PPP2R3B: variants seen among roughly 807,000 people sequenced by gnomAD.
PPP2R3B encodes protein phosphatase 2 regulatory subunit B''beta.
PPP2R3B carries 68 observed loss-of-function variants against 72.9 expected under a neutral mutation model. The observed-to-expected ratio is 0.93, with a 90% CI of 0.77 to 1.14. PPP2R3B has a LOEUF of 1.14. Among genes scored for constraint, PPP2R3B ranks in the 50% most tolerant of loss-of-function variants. The pLI is 0.00. For synonymous variants in PPP2R3B, 466 were observed against 375.8 expected (o/e 1.24, Z -2.78); for missense variants, 1,018 against 842.0 (o/e 1.21, Z -2.59).
chrX:378,945 G>A (rs961886242), intron 1 of PPP2R3B, among the ~76,000 whole-genome samples: 4 of 152,228 alleles, frequency 2.6e-5, no homozygotes, highest in African/African-American at 9.6e-5. Context: ...TGCCCTGAGG[G>A]TTCTAGGTGC....
intron 1 of PPP2R3B, among the ~76,000 whole-genome samples, chrX:379,653 G>A (rs1434805308): frequency 6.6e-6 from 1 of 152,250 alleles, no homozygotes; most frequent in Non-Finnish European, 1.5e-5. Flanking sequence ...CTTAATCAAG[G>A]AGGTGCAAGA....
rs374153614 is a variant in PPP2R3B, at chrX:338,681, C to G, written c.1500G>C (p.Ser500=). 4 of 1,611,624 alleles carry G rather than the reference C, an allele frequency of 2.5e-6. No individual in the cohort carries two copies. The South Asian group carries it at 4.4e-5, about 18-fold the overall frequency. ...RDGDSGGPEL[S]DWEKYAAEEY... ...CCTCGGCCGCGTACTTCTCCCAGTC[C>G]GAGAGCTCGGGGCCGCCGCTGTCAC... Residue 500 remains serine, a synonymous_variant, in exon 12 of 13, where the codon TCG becomes TCC. Transcript: ENST00000390665.
chrX:341,215 C>G, intron 9 of PPP2R3B, 92 bp downstream of exon 9: 1 of 1,401,764 alleles, frequency 7.1e-7, no homozygotes. Flanking sequence ...CAGCCCCCAC[C>G]AGGCGTGCAG....
chrX:334,364 G>C lies in PPP2R3B; in HGVS notation c.*3C>G, dbSNP rs1350479470. Reference sequence around the variant, plus strand: ...CCCCGCGGCGGCGTTCTCGCGGGCGGCGTCACAGCGGCTCCAGGTCCTCGT... The same window carrying C: ...CCCCGCGGCGGCGTTCTCGCGGGCGCCGTCACAGCGGCTCCAGGTCCTCGT... On this transcript the variant is annotated 3_prime_UTR_variant, in exon 13 of 13. Transcript: ENST00000390665. 2 of 1,495,280 alleles carry C rather than the reference G, an allele frequency of 1.3e-6. No individual in the cohort carries two copies. The highest frequency in any genetic ancestry group is 1.8e-6 in the Non-Finnish European group (2 of 1,128,106). 92.6% of individuals were successfully genotyped at this position (1,495,280 alleles called of 1,614,324 possible). A position where few individuals can be genotyped will look rare whatever the true frequency, so the allele number is the denominator to read the frequency against.
At chrX:351,844 C>A (rs1041333929) in intron 2 of PPP2R3B, among the ~76,000 whole-genome samples, 1 of 152,174 alleles carries the variant, frequency 6.6e-6, no homozygotes, top group Non-Finnish European at 1.5e-5. Context: ...ACCACAGGTG[C>A]GCGCTATCAT....
intron 12 of PPP2R3B, chrX:336,370 G>A (rs1025188943): frequency 1.4e-4 from 21 of 152,166 alleles, no homozygotes; most frequent in African/African-American, 3.9e-4. Context: ...GAAAGCCCCC[G>A]CAGACCAGGA....
Position 346,870 on chromosome X carries a change from C to T in PPP2R3B, c.718-95G>A, listed in dbSNP as rs752502158. On this transcript the variant is annotated intron_variant, in intron 4 of 12. Coordinates refer to ENST00000390665, the MANE Select transcript of PPP2R3B (RefSeq NM_013239.5). ...CTGCAGACGCGGACCCTCCCGTGAG[C>T]GATGAGGTGTGCGGTGTAGACGCCG... 6 of 1,158,644 alleles carry T rather than the reference C, an allele frequency of 5.2e-6. No homozygotes were observed. In the Admixed American group the frequency reaches 8.3e-5, roughly 16 times the overall value. 71.8% of individuals were successfully genotyped at this position (1,158,644 alleles called of 1,614,324 possible).
chrX:366,802 G>A (rs2071720953), intron 1 of PPP2R3B, among the ~76,000 whole-genome samples: 1 of 123,178 alleles, frequency 8.1e-6, no homozygotes. Context: ...GGCAGAGGTT[G>A]CAGTGAGCTG....
chrX:347,246 G>C lies in PPP2R3B; in HGVS notation c.705C>G (p.Val235=). The C allele has an allele frequency of 1.2e-6, 2 of 1,613,630 alleles. No individual in the cohort carries two copies. Among genetic ancestry groups the C allele is most frequent in the Non-Finnish European group, 1.7e-6 (2 of 1,179,740 alleles). The change falls in exon 4 of 13, where the codon GTC becomes GTG. Residue 235 remains valine (V), a synonymous_variant. Transcript: ENST00000390665. ...GCNYLVQEDF[V]PFLQDVVNTH... is the part of the protein sequence containing the mutation. ...CGCAGGCTCTCACCTGCAAGAAGGG[G>C]ACAAAGTCCTCCTGCACCAGGTAGT... is the stretch of plus-strand genomic sequence containing the variant.
chrX:334,768 C>T, intron 12 of PPP2R3B: 1 of 436,532 alleles, frequency 2.3e-6, no homozygotes. Context: ...CGGGCGTGAG[C>T]TACACACAGA....
intron 1 of PPP2R3B, among the ~76,000 whole-genome samples, chrX:380,414 A>T (rs2072097224): frequency 6.6e-6 from 1 of 152,184 alleles, no homozygotes; most frequent in African/African-American, 2.4e-5. Flanking sequence ...GACGCTCGAC[A>T]GTGGGAACCA....
intron 2 of PPP2R3B, 27 bp downstream of exon 2, chrX:361,378 G>A (rs1474277547): frequency 6.2e-7 from 1 of 1,612,506 alleles, no homozygotes; most frequent in Non-Finnish European, 8.5e-7. Flanking sequence ...CACCTCGGCT[G>A]CTCCACGTCC....
chrX:341,718 C>T, intron 8 of PPP2R3B, 165 bp downstream of exon 8: 5 of 797,594 alleles, frequency 6.3e-6, no homozygotes, highest in East Asian at 5.1e-5. Context: ...CACCCCCCCC[C>T]ACTAGGGATT....
At chrX:338,975 G>A in intron 10 of PPP2R3B, 79 bp from the exon 11 acceptor site, 1 of 1,175,914 alleles carries the variant, frequency 8.5e-7, no homozygotes, top group Admixed American at 1.7e-5. Flanking sequence ...CGCGCGTCCT[G>A]TCACACGTGC....
At chrX:369,427 C>G (rs1341523993) in intron 1 of PPP2R3B, among the ~76,000 whole-genome samples, 2 of 152,200 alleles carry the variant, frequency 1.3e-5, no homozygotes, top group African/African-American at 4.8e-5. Context: ...AAGGCAGCTC[C>G]CTGACTCATC....
intron 1 of PPP2R3B, among the ~76,000 whole-genome samples, chrX:371,639 C>T (rs1161712934): frequency 6.6e-6 from 1 of 152,124 alleles, no homozygotes; most frequent in East Asian, 1.9e-4. Flanking sequence ...TACCGTGCTG[C>T]CCGGCCGGGA....
intron 7 of PPP2R3B, among the ~76,000 whole-genome samples, chrX:343,097 C>G (rs1227029413): frequency 3.8e-4 from 4 of 10,414 alleles, no homozygotes; most frequent in Admixed American, 5.6e-4. Context: ...ACCTCGCCAA[C>G]GGGAGGCGGG....
chrX:350,609 A>G (rs1164636352), intron 2 of PPP2R3B, among the ~76,000 whole-genome samples: 1 of 152,198 alleles, frequency 6.6e-6, no homozygotes, highest in Non-Finnish European at 1.5e-5. Context: ...AGCGCCCAGC[A>G]CTGGCGCCGG....
intron 2 of PPP2R3B, among the ~76,000 whole-genome samples, chrX:350,286 C>T (rs1184773205): frequency 6.6e-6 from 1 of 152,196 alleles, no homozygotes; most frequent in Admixed American, 6.5e-5. Flanking sequence ...AACAGCGGCC[C>T]CTCCTGGAAG....
Sources: allele counts gnomAD v4.1 joint callset (sites outside exome capture counted in the v4.1 genomes callset), GRCh38; gene constraint gnomAD v4.1.1; transcripts MANE v1.5; gene names NCBI Gene and HGNC (gene_info 2026-07-23, HGNC 2026-07-21).